SPATA6: variants seen among roughly 807,000 people sequenced by gnomAD.
SPATA6 encodes spermatogenesis-associated protein 6.
Under a neutral mutation model 65.3 loss-of-function variants are expected in SPATA6, and 56 were observed. The observed-to-expected ratio is 0.86, with a 90% CI of 0.69 to 1.07. The LOEUF (loss-of-function observed/expected upper bound fraction) is 1.07. Ranked by LOEUF, SPATA6 falls within the 50% of genes least tolerant of loss-of-function variation. SPATA6 has a pLI of 0.00. For missense variants in SPATA6, 590 were observed against 594.8 expected (o/e 0.99, Z 0.08); for synonymous variants, 199 against 213.2 (o/e 0.93, Z 0.58).
intron 9 of SPATA6, among the ~76,000 whole-genome samples, chr1:48,365,006 T>C (rs1646951898): frequency 6.6e-6 from 1 of 152,204 alleles, no homozygotes; most frequent in African/African-American, 2.4e-5. Flanking sequence ...CAGTTTCAGC[T>C]TTCTACATAT....
rs1655679455 is a variant in SPATA6, at chr1:48,443,122, T to C, written c.238+8430A>G. ...TTGGTCTGCTCCAACGTGCCACTTG[T>C]TGGCACTCAGCCAAACCTTAAAGTA... On this transcript the variant is annotated intron_variant, in intron 3 of 12. Coordinates refer to ENST00000371847, the MANE Select transcript of SPATA6 (RefSeq NM_019073.4). Among the ~76,000 whole-genome samples the C allele has an allele frequency of 2.0e-5, 3 of 152,220 alleles. No homozygotes were observed. The South Asian group carries it at 6.2e-4, about 32-fold the overall frequency.
intron 1 of SPATA6, among the ~76,000 whole-genome samples, chr1:48,461,386 T>C (rs952671466): frequency 1.3e-5 from 2 of 152,252 alleles, no homozygotes; most frequent in African/African-American, 4.8e-5. Context: ...CCATTGCTTT[T>C]GGTGTTTTAG....
At chr1:48,433,398 T>C (rs1468018423) in intron 3 of SPATA6, among the ~76,000 whole-genome samples, 1 of 152,194 alleles carries the variant, frequency 6.6e-6, no homozygotes, top group Non-Finnish European at 1.5e-5. Flanking sequence ...ATTAAGTTAA[T>C]GTAAACTACA....
At chr1:48,436,878 C>T in intron 3 of SPATA6, 1 of 1,613,176 alleles carries the variant, frequency 6.2e-7, no homozygotes, top group Non-Finnish European at 8.5e-7. Flanking sequence ...TGAAAAATTC[C>T]CGGTCAGGTG....
rs532778879 is a variant in SPATA6 at position 48,434,128 on chromosome 1, A to C, written c.238+17424T>G. Reference sequence around the variant, plus strand: ...ACAAACAGGTGTCTTTAAATAGGACAGTTCCAACAGTCATAAAAATGGTAA... The same window carrying C: ...ACAAACAGGTGTCTTTAAATAGGACCGTTCCAACAGTCATAAAAATGGTAA... On this transcript the variant is annotated intron_variant, in intron 3 of 12. Transcript: ENST00000371847. Among the ~76,000 whole-genome samples, 13 of 152,292 alleles carry C rather than the reference A, an allele frequency of 8.5e-5. No individual in the cohort carries two copies. In the East Asian group the frequency reaches 2.5e-3, roughly 29 times the overall value.
chr1:48,401,163 T>G (rs2147937913), intron 6 of SPATA6, among the ~76,000 whole-genome samples: 1 of 152,168 alleles, frequency 6.6e-6, no homozygotes, highest in East Asian at 1.9e-4. Flanking sequence ...TTACTTGCCC[T>G]TCTCATCTCC....
chr1:48,461,027 A>G (rs1657389841), intron 1 of SPATA6, among the ~76,000 whole-genome samples: 1 of 152,194 alleles, frequency 6.6e-6, no homozygotes, highest in Non-Finnish European at 1.5e-5. Flanking sequence ...AAGTTCCAAT[A>G]CATATCTAAT....
At chr1:48,277,110 T>C in the SPATA6 span, among the ~76,000 whole-genome samples, 1 of 151,770 alleles carries the variant, frequency 6.6e-6, no homozygotes, top group Non-Finnish European at 1.5e-5. Flanking sequence ...TTTTTTTTTT[T>C]TTTGTATTTT....
chr1:48,283,697 A>AAAGAAAGAAAAAAAGAAAGAAAGAAAG, the SPATA6 span, among the ~76,000 whole-genome samples: 1 of 12,002 alleles, frequency 8.3e-5, no homozygotes, highest in Non-Finnish European at 2.3e-4. Context: ...AAAAAAAAAA[A>AAAGAAAGAAAAAAAGAAAGAAAGAAAG]AAAGAAAGAA....
chr1:48,415,182 G>A (rs953217943), intron 3 of SPATA6, among the ~76,000 whole-genome samples: 1 of 152,188 alleles, frequency 6.6e-6, no homozygotes, highest in African/African-American at 2.4e-5. Flanking sequence ...TAATTGTTTT[G>A]AAATGATTAG....
chr1:48,332,108 ACC>A (rs1327360790), intron 11 of SPATA6, among the ~76,000 whole-genome samples: 7 of 152,340 alleles, frequency 4.6e-5, no homozygotes, highest in African/African-American at 1.7e-4. Context: ...AAAGACCATT[ACC>A]AGGCACTACA....
chr1:48,459,596 C>T (rs935095369), intron 1 of SPATA6, among the ~76,000 whole-genome samples: 2 of 152,102 alleles, frequency 1.3e-5, no homozygotes, highest in Non-Finnish European at 2.9e-5. Flanking sequence ...GCAATATTTA[C>T]TAATTTGACC....
chr1:48,442,753 C>T (rs1490545520), intron 3 of SPATA6, among the ~76,000 whole-genome samples: 1 of 137,662 alleles, frequency 7.3e-6, no homozygotes, highest in African/African-American at 2.8e-5. Context: ...AAACAGTGTA[C>T]CCTATTCCTT....
At chr1:48,330,771 T>C (rs1235025631) in intron 11 of SPATA6, among the ~76,000 whole-genome samples, 2 of 152,136 alleles carry the variant, frequency 1.3e-5, no homozygotes, top group Non-Finnish European at 2.9e-5. Context: ...CAGTAAGAGT[T>C]TCCAACCCAA....
chr1:48,460,345 G>C (rs1010414055), intron 1 of SPATA6, among the ~76,000 whole-genome samples: 2 of 152,136 alleles, frequency 1.3e-5, no homozygotes, highest in Non-Finnish European at 2.9e-5. Context: ...TGGAAAAAAA[G>C]CATTTGACAA....
intron 8 of SPATA6, among the ~76,000 whole-genome samples, chr1:48,393,999 T>C (rs1650325715): frequency 6.6e-6 from 1 of 151,950 alleles, no homozygotes; most frequent in Admixed American, 6.6e-5. Context: ...ACAAATTCAG[T>C]CCATAATAAT....
intron 8 of SPATA6, among the ~76,000 whole-genome samples, chr1:48,391,550 A>G (rs1650073389): frequency 6.6e-6 from 1 of 152,192 alleles, no homozygotes; most frequent in Non-Finnish European, 1.5e-5. Context: ...GCACAGGTTT[A>G]TAATTTTATT....
At chr1:48,461,282 G>A in intron 1 of SPATA6, among the ~76,000 whole-genome samples, 1 of 152,072 alleles carries the variant, frequency 6.6e-6, no homozygotes, top group East Asian at 1.9e-4. Context: ...CTCCCGTTTT[G>A]TAGGTTGCCT....
intron 8 of SPATA6, among the ~76,000 whole-genome samples, chr1:48,390,254 C>A (rs1419598235): frequency 6.6e-6 from 1 of 152,098 alleles, no homozygotes; most frequent in African/African-American, 2.4e-5. Context: ...TTAATGATAT[C>A]ATGTCATTTG....
Sources: allele counts gnomAD v4.1 joint callset (sites outside exome capture counted in the v4.1 genomes callset), GRCh38; gene constraint gnomAD v4.1.1; transcripts MANE v1.5; gene names NCBI Gene and HGNC (gene_info 2026-07-23, HGNC 2026-07-21).